The following KIAA0586 variants were observed in gnomAD, a reference collection of about 807,000 sequenced individuals.
KIAA0586 encodes the protein KIAA0586.
Under a neutral mutation model 169.8 loss-of-function variants are expected in KIAA0586, and 144 were observed. The observed-to-expected ratio is 0.85, with a 90% confidence interval of 0.74 to 0.97. KIAA0586 has a LOEUF of 0.97. KIAA0586 is among the 50% of genes least tolerant of loss of function. The probability of loss-of-function intolerance (pLI) is 0.00; values close to 1 mark genes in which losing one functional copy is unlikely to be tolerated. For missense variants in KIAA0586, 1,854 were observed against 1,823.0 expected, an observed-to-expected ratio of 1.02 and a Z score of -0.31; for synonymous variants, 625 against 612.4, an observed-to-expected ratio of 1.02 and a Z score of -0.30.
intron 9 of KIAA0586, among the ~76,000 whole-genome samples, chr14:58,455,491 G>T (rs2039747826): frequency 6.6e-6 from 1 of 152,196 alleles, no homozygotes. Context: ...ATTGTTGCTA[G>T]TTATTGTTGT....
chr14:58,484,487 T>C (rs1329669466), intron 21 of KIAA0586, among the ~76,000 whole-genome samples: 1 of 152,130 alleles, frequency 6.6e-6, no homozygotes, highest in Non-Finnish European at 1.5e-5. Flanking sequence ...AGATGATATA[T>C]GGACAGAGCT....
At position 58,487,949 on chromosome 14, in the gene KIAA0586, C is replaced by T; in HGVS notation, c.3367C>T (p.Pro1123Ser). 1 of 1,613,772 alleles carries T rather than the reference C, an allele frequency of 6.2e-7. No homozygotes were observed. Among genetic ancestry groups the T allele is most frequent in the Non-Finnish European group, 8.5e-7 (1 of 1,179,832 alleles). Residue 1123 changes from proline (P) to serine (S), a missense_variant, in exon 23 of 31, where the codon CCT becomes TCT. Coordinates refer to ENST00000652326, the MANE Select transcript of KIAA0586 (RefSeq NM_001329943.3). ...TPTVTPTTTP[P>S]PAAAVFTPTL... Reference sequence around the variant, plus strand: ...AACAGTTACCCCTACTACTACACCTCCTCCAGCGGCGGCAGTTTTTACCCC... The same window carrying T: ...AACAGTTACCCCTACTACTACACCTTCTCCAGCGGCGGCAGTTTTTACCCC...
intron 21 of KIAA0586, 29 bp from the exon 22 acceptor site, chr14:58,486,976 AAC>A: frequency 6.5e-7 from 1 of 1,540,146 alleles, no homozygotes; most frequent in Non-Finnish European, 8.8e-7. Context: ...GGTGATTATA[AAC>A]ACAGTTTATC....
At chr14:58,468,465 A>G (rs745840802) in intron 16 of KIAA0586, among the ~76,000 whole-genome samples, 1 of 152,218 alleles carries the variant, frequency 6.6e-6, no homozygotes, top group Non-Finnish European at 1.5e-5. Flanking sequence ...GTGATATTCC[A>G]AGGGGAACAA....
intron 12 of KIAA0586, among the ~76,000 whole-genome samples, chr14:58,459,023 A>T (rs1406192409): frequency 2.6e-5 from 4 of 152,266 alleles, no homozygotes; most frequent in African/African-American, 9.6e-5. Context: ...AGCATTGGAA[A>T]AGTCTGGGAG....
intron 5 of KIAA0586, 111 bp downstream of exon 5, chr14:58,442,991 T>A (rs1364108793): frequency 2.6e-6 from 2 of 756,078 alleles, no homozygotes; most frequent in Non-Finnish European, 4.2e-6. Flanking sequence ...AACATTGTAG[T>A]TGCTCTCAAT....
At chr14:58,450,859 C>T in intron 8 of KIAA0586, 113 bp downstream of exon 8, 1 of 614,194 alleles carries the variant, frequency 1.6e-6, no homozygotes, top group Non-Finnish European at 2.8e-6. Context: ...CTTTAAATGA[C>T]CCTTGCTGGG....
At chr14:58,492,898 G>C (rs2042922449) in intron 26 of KIAA0586, among the ~76,000 whole-genome samples, 2 of 152,322 alleles carry the variant, frequency 1.3e-5, no homozygotes, top group South Asian at 4.1e-4. Flanking sequence ...GAAAATCTCT[G>C]TGTGGCTAGA....
downstream of KIAA0586, among the ~76,000 whole-genome samples, chr14:58,556,150 A>T (rs1273195490): frequency 1.3e-5 from 2 of 152,194 alleles, no homozygotes; most frequent in South Asian, 2.1e-4. Flanking sequence ...AGCAATTCCA[A>T]ATGCATATCT....
At chr14:58,434,120 A>G (rs148301183) in intron 4 of KIAA0586, among the ~76,000 whole-genome samples, 1 of 152,358 alleles carries the variant, frequency 6.6e-6, no homozygotes, top group East Asian at 1.9e-4. Context: ...AATGTTTTCA[A>G]CTAGTTCTAG....
At chr14:58,452,193 T>C (rs2039445511) in intron 8 of KIAA0586, among the ~76,000 whole-genome samples, 1 of 152,034 alleles carries the variant, frequency 6.6e-6, no homozygotes, top group African/African-American at 2.4e-5. Flanking sequence ...ACTGCTTGGA[T>C]GATGGGTGCA....
In KIAA0586 at chr14:58,444,915, GAA is replaced by G. The variant is rs869127762; in HGVS notation, c.807+766_807+767del. 5.5e-4 allele frequency among the ~76,000 whole-genome samples: 62 copies of G among 111,946 alleles called. 1 individual carries two copies. Among genetic ancestry groups the G allele is most frequent in the African/African-American group, 1.6e-3 (45 of 28,032 alleles). 73.4% of individuals were successfully genotyped at this position (111,946 alleles called of 152,430 possible). A position where few individuals can be genotyped will look rare whatever the true frequency, so the allele number is the denominator to read the frequency against. ...GATGTAGCAAGACCTCATCTCTTAG[GAA>G]AAAAAAAAAAAAAAAAAAAAAAAAA... is the stretch of plus-strand genomic sequence containing the variant. On this transcript the variant is annotated intron_variant, in intron 6 of 30. Coordinates refer to ENST00000652326, the MANE Select transcript of KIAA0586 (RefSeq NM_001329943.3).
chr14:58,465,633 A>C (rs1489594642), intron 14 of KIAA0586, among the ~76,000 whole-genome samples: 1 of 152,200 alleles, frequency 6.6e-6, no homozygotes, highest in Admixed American at 6.5e-5. Flanking sequence ...AGCTGAGATC[A>C]CGTGGCCTGC....
chr14:58,532,560 CTAT>C (rs1030380949), intron 29 of KIAA0586, among the ~76,000 whole-genome samples: 4 of 151,074 alleles, frequency 2.6e-5, no homozygotes, highest in Non-Finnish European at 5.9e-5. Context: ...TTTAAGAAAT[CTAT>C]TATTATTATT....
intron 11 of KIAA0586, 134 bp from the exon 12 acceptor site, chr14:58,458,339 C>G (rs1016609852): frequency 4.5e-5 from 28 of 615,478 alleles, no homozygotes; most frequent in Admixed American, 1.4e-4. Flanking sequence ...ATTCTACTAT[C>G]CTAATATCCT....
chr14:58,467,910 G>A lies in KIAA0586; in HGVS notation c.2430G>A (p.Gln810=), dbSNP rs2040897291. 6.2e-7 allele frequency: 1 copy of A among 1,611,850 alleles called. No individual in the cohort carries two copies. The highest frequency in any genetic ancestry group is 8.5e-7 in the Non-Finnish European group (1 of 1,179,068). The change falls in exon 16 of 31, where the codon CAG becomes CAA. Residue 810 remains glutamine (Q), a synonymous_variant. Coordinates refer to ENST00000652326, the MANE Select transcript of KIAA0586 (RefSeq NM_001329943.3). ...AGTCAGAAAAAAAGGATCCTCCTCA[G>A]CTTACTGTGCAGGTATGCCAGGGTG... The part of the protein sequence containing the change: ...EMKSEKKDPP[Q]LTVQVLPSVD...
At position 58,477,166 on chromosome 14, in the gene KIAA0586, C is replaced by A; in HGVS notation, c.2869C>A (p.Pro957Thr). 1 of 1,582,382 alleles carries A rather than the reference C, an allele frequency of 6.3e-7. No homozygotes were observed. Among genetic ancestry groups the A allele is most frequent in the Non-Finnish European group, 8.6e-7 (1 of 1,162,150 alleles). ...IMSRIISGLF[P>T]VQQQIAPSIS... is the part of the protein sequence containing the mutation. ...GTCAAGAATTATCTCTGGGCTCTTT[C>A]CAGTCCAGCAACAGATTGCACCTAG... Residue 957 changes from proline (P) to threonine (T), a missense_variant, in exon 20 of 31, where the codon CCA becomes ACA. By Grantham distance (38) the Pro-to-Thr change is conservative. Transcript: ENST00000652326.
At chr14:58,436,310 A>G (rs537219314) in intron 4 of KIAA0586, among the ~76,000 whole-genome samples, 1 of 152,316 alleles carries the variant, frequency 6.6e-6, no homozygotes, top group African/African-American at 2.4e-5. Flanking sequence ...ATATTATTCA[A>G]TAATAAAATG....
intron 15 of KIAA0586, among the ~76,000 whole-genome samples, chr14:58,466,854 G>C (rs2040813795): frequency 6.6e-6 from 1 of 152,090 alleles, no homozygotes; most frequent in Non-Finnish European, 1.5e-5. Flanking sequence ...TTTGAACTAG[G>C]CTATCATAAG....
Sources: gnomAD v4.1 joint callset for allele counts (sites outside exome capture counted in the v4.1 genomes callset) on GRCh38, gnomAD v4.1.1 for gene constraint, MANE v1.5 for transcripts, NCBI Gene and HGNC (gene_info 2026-07-23, HGNC 2026-07-21) for gene names.